Variants in CSPP1 observed in about 807,000 individuals in gnomAD.
The protein encoded by CSPP1 is centrosome and spindle pole associated protein 1, also known as centrosome and spindle pole-associated protein 1.
A neutral mutation model predicts 164.4 loss-of-function variants in CSPP1; 126 were observed. The observed-to-expected ratio is 0.77, with a 90% CI of 0.66 to 0.89. CSPP1 has a LOEUF of 0.89. CSPP1 is among the 40% of genes least tolerant of loss of function. CSPP1 has a pLI of 0.00. For synonymous variants in CSPP1, 472 were observed against 476.7 expected (o/e 0.99, Z 0.13); for missense variants, 1,395 against 1,449.8 (o/e 0.96, Z 0.61).
At chr8:67,195,304 G>T in intron 30 of CSPP1, 78 bp from the exon 31 acceptor site, 1 of 860,342 alleles carries the variant, frequency 1.2e-6, no homozygotes, top group Non-Finnish European at 2.0e-6. Flanking sequence ...GTAATGAGTT[G>T]GACTACAAGA....
intron 3 of CSPP1, among the ~76,000 whole-genome samples, chr8:67,079,024 A>G (rs149896239): frequency 7.7e-4 from 118 of 152,278 alleles, no homozygotes; most frequent in African/African-American, 2.7e-3. Flanking sequence ...TTCTTTGATC[A>G]TTACATTCAC....
intron 3 of CSPP1, chr8:67,083,548 A>AAAAAATATATATAT (rs1332248754): frequency 2.2e-5 from 2 of 91,502 alleles, no homozygotes; most frequent in African/African-American, 8.9e-5. Flanking sequence ...AAAAAAAAAA[A>AAAAAATATATATAT]ATATATATAT....
At chr8:67,073,359 G>A (rs1807235869) in intron 1 of CSPP1, among the ~76,000 whole-genome samples, 1 of 152,042 alleles carries the variant, frequency 6.6e-6, no homozygotes, top group African/African-American at 2.4e-5. Flanking sequence ...GAAACATCAG[G>A]CACACCCTAG....
At chr8:67,106,529 T>C (rs1476346747) in intron 9 of CSPP1, among the ~76,000 whole-genome samples, 8 of 152,212 alleles carry the variant, frequency 5.3e-5, no homozygotes, top group Admixed American at 1.3e-4. Flanking sequence ...CTTTGTTCTT[T>C]TCATGTAGTT....
At chr8:67,157,546 C>G (rs2129559886) in intron 19 of CSPP1, 1 of 152,254 alleles carries the variant, frequency 6.6e-6, no homozygotes, top group Middle Eastern at 3.4e-3. Context: ...GCCACCGCGC[C>G]TGGCCAGATT....
chr8:67,184,738 AAAAAATAT>A (rs1563780296), intron 28 of CSPP1, among the ~76,000 whole-genome samples: 9 of 140,996 alleles, frequency 6.4e-5, no homozygotes, highest in African/African-American at 2.2e-4. Flanking sequence ...AATAATAATA[AAAAAATAT>A]AATAATAATA....
At chr8:67,114,012 G>T (rs548850869) in intron 11 of CSPP1, 150 bp downstream of exon 11, 40 of 516,976 alleles carry the variant, frequency 7.7e-5, no homozygotes, top group African/African-American at 6.8e-4. Context: ...CTCATAAAGT[G>T]TAAATTCTCT....
intron 15 of CSPP1, among the ~76,000 whole-genome samples, chr8:67,127,601 T>A (rs1820349401): frequency 6.6e-6 from 1 of 152,186 alleles, no homozygotes; most frequent in South Asian, 2.1e-4. Flanking sequence ...AAGTTGGTTT[T>A]GACAATTTTG....
intron 11 of CSPP1, 34 bp from the exon 12 acceptor site, chr8:67,114,295 T>C (rs1817486511): frequency 6.5e-6 from 1 of 153,000 alleles, no homozygotes; most frequent in Non-Finnish European, 1.5e-5. Flanking sequence ...AATAATCTTA[T>C]TTTTACTTTA....
chr8:67,183,496 A>G (rs1273094975), intron 28 of CSPP1, among the ~76,000 whole-genome samples: 2 of 152,240 alleles, frequency 1.3e-5, no homozygotes, highest in Non-Finnish European at 2.9e-5. Flanking sequence ...ACAGAAAGAT[A>G]GCTGGAAAAA....
rs1378417222 is a variant in CSPP1 at position 67,195,460 on chromosome 8, AGCCCTGGCTCC to A, written c.3557_3567del (p.Leu1186HisfsTer40). On this transcript the variant is annotated frameshift_variant, in exon 31 of 31. Transcript: ENST00000678616. LOFTEE classifies it high-confidence loss of function. ...GACGGATCAAACTCTGTAGCAACTG[AGCCCTGGCTCC>A]GCCCTGGCACTTCAGAAACGCTGAA... 6.2e-7 allele frequency: 1 copy of A among 1,614,108 alleles called. No homozygotes were observed. Among genetic ancestry groups the A allele is most frequent in the Admixed American group, 1.7e-5 (1 of 60,024 alleles).
At chr8:67,096,050 A>G (rs1812685947) in intron 7 of CSPP1, among the ~76,000 whole-genome samples, 1 of 152,228 alleles carries the variant, frequency 6.6e-6, no homozygotes, top group South Asian at 2.1e-4. Context: ...CAACCTTGGC[A>G]GTGAGTAGAG....
chr8:67,168,885 A>G (rs1829984518), intron 24 of CSPP1, among the ~76,000 whole-genome samples: 1 of 152,216 alleles, frequency 6.6e-6, no homozygotes, highest in Non-Finnish European at 1.5e-5. Flanking sequence ...GTCCAATTTA[A>G]TGGTCTCTTG....
Position 67,091,787 on chromosome 8 carries a change from A to G in CSPP1, c.304-16A>G. On this transcript the variant is annotated splice_polypyrimidine_tract_variant and intron_variant, in intron 4 of 30. Coordinates refer to ENST00000678616, the MANE Select transcript of CSPP1 (RefSeq NM_001382391.1). ...GGCAATTAGGTAATATATTTTTTTA[A>G]TGTGTATATATACAGAAAAATTTTC... is the stretch of plus-strand genomic sequence containing the variant. 1 of 1,015,054 alleles carries G rather than the reference A, an allele frequency of 9.9e-7. No homozygotes were observed. The highest frequency in any genetic ancestry group is 1.4e-5 in the South Asian group (1 of 69,106). The allele number at this position is 1,015,054 out of a possible 1,614,324, so 62.9% of individuals were successfully genotyped here.
chr8:67,096,906 A>G (rs1052511262), intron 7 of CSPP1, among the ~76,000 whole-genome samples: 2 of 152,292 alleles, frequency 1.3e-5, no homozygotes, highest in Non-Finnish European at 1.5e-5. Flanking sequence ...AAAACGTGTG[A>G]AAAAAGGATA....
intron 15 of CSPP1, among the ~76,000 whole-genome samples, chr8:67,124,194 C>A (rs1028658496): frequency 4.6e-5 from 7 of 152,140 alleles, no homozygotes; most frequent in African/African-American, 1.4e-4. Flanking sequence ...CCACCGCACC[C>A]GGCCTATTAG....
chr8:67,166,309 A>G (rs1050397208), intron 24 of CSPP1, among the ~76,000 whole-genome samples: 3 of 152,210 alleles, frequency 2.0e-5, no homozygotes, highest in Admixed American at 6.5e-5. Context: ...TCTGGATAAT[A>G]TATGTATGTT....
intron 15 of CSPP1, among the ~76,000 whole-genome samples, chr8:67,119,839 G>T (rs1413437826): frequency 6.6e-6 from 1 of 152,018 alleles, no homozygotes; most frequent in Non-Finnish European, 1.5e-5. Flanking sequence ...ATTCTGTCTT[G>T]ATATTGCCTT....
intron 25 of CSPP1, chr8:67,173,393 G>A (rs528750237): frequency 6.6e-6 from 1 of 152,322 alleles, no homozygotes; most frequent in South Asian, 2.1e-4. Context: ...AACCAAATGT[G>A]TGTTGTGTAA....
Sources: gnomAD v4.1 joint callset for allele counts (sites outside exome capture counted in the v4.1 genomes callset) on GRCh38, gnomAD v4.1.1 for gene constraint, MANE v1.5 for transcripts, NCBI Gene and HGNC (gene_info 2026-07-23, HGNC 2026-07-21) for gene names.